Variants in NBEA observed in about 807,000 individuals in gnomAD.
NBEA encodes lysosomal-trafficking regulator 2.
Under a neutral mutation model 343.4 loss-of-function variants are expected in NBEA, and 44 were observed. That is an observed-to-expected ratio of 0.13 (90% CI 0.10 to 0.16). The LOEUF (loss-of-function observed/expected upper bound fraction) is 0.16. Among genes scored for constraint, NBEA ranks in the 10% least tolerant of loss-of-function variants. The pLI, the probability that NBEA is intolerant of heterozygous loss-of-function variation, is 1.00. For synonymous variants in NBEA, 1,175 were observed against 1,238.7 expected (o/e 0.95, Z 1.08); for missense variants, 2,555 against 3,631.3 (o/e 0.70, Z 7.62).
chr13:35,142,118 C>G (rs1260143657), intron 17 of NBEA, 151 bp from the exon 18 acceptor site: 3 of 461,128 alleles, frequency 6.5e-6, no homozygotes, highest in Non-Finnish European at 1.2e-5. Context: ...AGTTGTGTTA[C>G]AAACTGTTGT....
chr13:35,603,172 G>A (rs1445054419), intron 47 of NBEA, among the ~76,000 whole-genome samples: 1 of 151,828 alleles, frequency 6.6e-6, no homozygotes, highest in Non-Finnish European at 1.5e-5. Context: ...CCCATCTTGA[G>A]GCATTTTTCT....
At chr13:35,248,236 C>A (rs2031486928) in intron 34 of NBEA, among the ~76,000 whole-genome samples, 1 of 152,108 alleles carries the variant, frequency 6.6e-6, no homozygotes, top group Non-Finnish European at 1.5e-5. Context: ...AATTTGGCAA[C>A]ATATTAAAAG....
chr13:35,484,302 T>G (rs971522117), intron 41 of NBEA, among the ~76,000 whole-genome samples: 2 of 148,830 alleles, frequency 1.3e-5, no homozygotes, highest in Non-Finnish European at 3.0e-5. Context: ...ATGTAGACCC[T>G]CACTAATTTA....
At chr13:35,355,550 A>C (rs537703823) in intron 38 of NBEA, among the ~76,000 whole-genome samples, 16 of 152,278 alleles carry the variant, frequency 1.1e-4, no homozygotes, top group African/African-American at 3.4e-4. Context: ...GTCATTGCAG[A>C]AAGTTCTTTT....
At chr13:35,518,116 C>T (rs1041990126) in intron 41 of NBEA, among the ~76,000 whole-genome samples, 10 of 151,908 alleles carry the variant, frequency 6.6e-5, no homozygotes, top group Admixed American at 5.9e-4. Context: ...TTGTTAATTC[C>T]GGATATATGG....
At chr13:35,171,081 T>A in intron 25 of NBEA, 191 bp from the exon 26 acceptor site, 1 of 720,088 alleles carries the variant, frequency 1.4e-6, no homozygotes, top group Middle Eastern at 2.4e-4. Flanking sequence ...TATTCAAGGA[T>A]AATTGATAGG....
rs6562982 is a variant in NBEA at position 35,478,787 on chromosome 13, C to T, written c.6585+6251C>T. On this transcript the variant is annotated intron_variant, in intron 41 of 58. Coordinates refer to ENST00000379939, the MANE Select transcript of NBEA (RefSeq NM_001385012.1). ...CTTGGGTTCAGGCCAGAGATGCTTG[C>T]CCCAAGACCTCGCCCCTTGCCTTCT... 3.3e-3 allele frequency among the ~76,000 whole-genome samples: 505 copies of T among 152,164 alleles called. 4 individuals are homozygous for T. Among genetic ancestry groups the T allele is most frequent in the African/African-American group, 0.012 (485 of 41,530 alleles).
intron 11 of NBEA, among the ~76,000 whole-genome samples, chr13:35,103,959 C>T (rs1402258789): frequency 2.0e-5 from 3 of 151,852 alleles, no homozygotes; most frequent in African/African-American, 7.2e-5. Context: ...TGCAGTTAGA[C>T]TAGTTATCCT....
chr13:35,323,345 A>T (rs1239772311), intron 36 of NBEA, among the ~76,000 whole-genome samples: 1 of 152,072 alleles, frequency 6.6e-6, no homozygotes, highest in Non-Finnish European at 1.5e-5. Context: ...CTGGATTAAG[A>T]AAATGTGGCA....
chr13:35,231,622 A>C (rs1309266323), intron 33 of NBEA, among the ~76,000 whole-genome samples: 1 of 152,062 alleles, frequency 6.6e-6, no homozygotes, highest in Non-Finnish European at 1.5e-5. Flanking sequence ...TTGACCTCTC[A>C]CTGTGTGCTG....
intron 10 of NBEA, among the ~76,000 whole-genome samples, chr13:35,075,862 C>T: frequency 6.6e-6 from 1 of 151,980 alleles, no homozygotes; most frequent in East Asian, 1.9e-4. Flanking sequence ...ACTGCCTTAG[C>T]CAGATTTCCT....
intron 41 of NBEA, among the ~76,000 whole-genome samples, chr13:35,539,359 C>A (rs940247623): frequency 1.3e-5 from 2 of 151,998 alleles, no homozygotes; most frequent in Admixed American, 1.3e-4. Context: ...TGCAGGGGCA[C>A]AAAAGTGTGA....
chr13:34,976,620 G>GGATA (rs1452148510), intron 1 of NBEA, among the ~76,000 whole-genome samples: 2 of 151,180 alleles, frequency 1.3e-5, no homozygotes, highest in African/African-American at 4.8e-5. Flanking sequence ...TCTAAGGATT[G>GGATA]GATAGATATC....
intron 40 of NBEA, among the ~76,000 whole-genome samples, chr13:35,463,474 A>T (rs1274710783): frequency 6.6e-6 from 1 of 151,978 alleles, no homozygotes; most frequent in South Asian, 2.1e-4. Flanking sequence ...AAATTTAAAA[A>T]ATTAGCCAGG....
At chr13:35,387,924 T>C (rs74054529) in intron 38 of NBEA, among the ~76,000 whole-genome samples, 2,682 of 152,268 alleles carry the variant, frequency 0.018, 53 homozygotes, top group African/African-American at 0.044. Flanking sequence ...GTAATCATCA[T>C]CGTCTGAAAG....
chr13:34,989,560 C>T (rs944039795), intron 1 of NBEA, among the ~76,000 whole-genome samples: 3 of 150,676 alleles, frequency 2.0e-5, no homozygotes, highest in African/African-American at 4.8e-5. Context: ...AGTCTGCCTC[C>T]GTGGTCCAGT....
intron 1 of NBEA, among the ~76,000 whole-genome samples, chr13:34,944,840 A>G (rs1031676868): frequency 6.6e-6 from 1 of 152,190 alleles, no homozygotes; most frequent in Non-Finnish European, 1.5e-5. Context: ...AATACATTTT[A>G]ACCTGGTAAG....
At chr13:35,343,305 G>A (rs551357969) in intron 36 of NBEA, among the ~76,000 whole-genome samples, 86 of 152,128 alleles carry the variant, frequency 5.7e-4, no homozygotes, top group African/African-American at 2.0e-3. Context: ...CTTTGTGGAA[G>A]ATTTCAACAC....
chr13:35,017,216 G>T lies in NBEA; in HGVS notation c.295-23717G>T, dbSNP rs576038932. Among the ~76,000 whole-genome samples the T allele has an allele frequency of 2.1e-4, 32 of 152,276 alleles. 1 individual carries two copies. In the South Asian group the frequency reaches 6.4e-3, roughly 31 times the overall value. On this transcript the variant is annotated intron_variant, in intron 1 of 58. Coordinates refer to ENST00000379939, the MANE Select transcript of NBEA (RefSeq NM_001385012.1). ...TTTATTAAATAAAGTGAAGAAACTA[G>T]AATTAAGCAGGAATCTGTTGTTTCT...
Sources: allele counts gnomAD v4.1 joint callset (sites outside exome capture counted in the v4.1 genomes callset), GRCh38; gene constraint gnomAD v4.1.1; transcripts MANE v1.5; gene names NCBI Gene and HGNC (gene_info 2026-07-23, HGNC 2026-07-21).